CDH4: variants seen among roughly 807,000 people sequenced by gnomAD.
CDH4 encodes the protein cadherin-4.
In CDH4, 33 loss-of-function variants were observed where a neutral mutation model predicts 86.0. The observed-to-expected ratio is 0.38, with a 90% CI of 0.29 to 0.51. The LOEUF (loss-of-function observed/expected upper bound fraction) is 0.51, where lower values mean the gene tolerates loss of function less well. Among genes scored for constraint, CDH4 ranks in the 20% least tolerant of loss-of-function variants. The pLI, the probability that CDH4 is intolerant of heterozygous loss-of-function variation, is 0.86. For synonymous variants in CDH4, 555 were observed against 549.4 expected (o/e 1.01, Z -0.14); for missense variants, 1,114 against 1,307.4 (o/e 0.85, Z 2.28).
chr20:61,537,555 C>A (rs1480931072), intron 2 of CDH4, among the ~76,000 whole-genome samples: 2 of 152,214 alleles, frequency 1.3e-5, no homozygotes, highest in Admixed American at 6.5e-5. Context: ...AAAGAAGACA[C>A]AAACCTGGAA....
At chr20:61,658,363 C>G (rs933678422) in intron 2 of CDH4, among the ~76,000 whole-genome samples, 2 of 152,180 alleles carry the variant, frequency 1.3e-5, no homozygotes, top group African/African-American at 4.8e-5. Flanking sequence ...TTCCAGATCT[C>G]TCTATTAGAG....
rs563735388 is a variant in CDH4 at position 61,684,791 on chromosome 20, G to A, written c.170-58772G>A. Among the ~76,000 whole-genome samples, 12 of 152,248 alleles carry A rather than the reference G, an allele frequency of 7.9e-5. No individual in the cohort carries two copies. The highest frequency in any genetic ancestry group is 2.4e-4 in the African/African-American group (10 of 41,540). ...AATCTGCAGCCCACAGCCGCCTGCC[G>A]TGACCACCCCTCGATGTGGGTGAGG... On this transcript the variant is annotated intron_variant, in intron 2 of 15. Coordinates refer to ENST00000614565, the MANE Select transcript of CDH4 (RefSeq NM_001794.5). The surrounding 1 kb of genome is among the most constrained non-coding windows in gnomAD (Gnocchi z 4.5).
Position 61,519,440 on chromosome 20 carries a change from T to G in CDH4, c.170-224123T>G, listed in dbSNP as rs187674942. ...TGCCGGCGGGAGGTCCTCTGATCAT[T>G]CTGTGCAAAAGCCTTTTTGACCAAA... On this transcript the variant is annotated intron_variant, in intron 2 of 15. Transcript: ENST00000614565. 2.2e-4 allele frequency among the ~76,000 whole-genome samples: 34 copies of G among 152,330 alleles called. No homozygotes were observed. In the East Asian group the frequency reaches 6.0e-3, roughly 27 times the overall value.
rs1186963224 is a variant in CDH4, at chr20:61,829,563, G to A, written c.577-15105G>A. On this transcript the variant is annotated intron_variant, in intron 4 of 15. Coordinates refer to ENST00000614565, the MANE Select transcript of CDH4 (RefSeq NM_001794.5). This position sits in a 1 kb window ranked among gnomAD's most constrained non-coding sequence, Gnocchi z 4.2. ...CAGCAGCTCTGCTCGCCTTTCTGGA[G>A]GCCACGAGCCTGTTTTCCACGGCGG... Among the ~76,000 whole-genome samples the A allele has an allele frequency of 6.6e-6, 1 of 152,222 alleles. No homozygotes were observed. The highest frequency in any genetic ancestry group is 2.4e-5 in the African/African-American group (1 of 41,452).
chr20:61,336,832 C>T (rs1485103384), intron 2 of CDH4, among the ~76,000 whole-genome samples: 1 of 152,166 alleles, frequency 6.6e-6, no homozygotes, highest in Non-Finnish European at 1.5e-5. Context: ...AGACGTGTTC[C>T]TTCCTATCTC....
rs373983120 is a variant in CDH4, at chr20:61,896,316, G to A, written c.1188+1269G>A. 4.9e-4 allele frequency among the ~76,000 whole-genome samples: 74 copies of A among 152,322 alleles called. 1 individual carries two copies. The highest frequency in any genetic ancestry group is 1.4e-3 in the African/African-American group (60 of 41,582). ...AGACGCTCCTCCCGGTGGGTGGGCC[G>A]GCTTGCTGAGAAGGCAACTAAGGCC... On this transcript the variant is annotated intron_variant, in intron 8 of 15. Transcript: ENST00000614565.
At chr20:61,808,730 C>T (rs1258911574) in intron 4 of CDH4, among the ~76,000 whole-genome samples, 1 of 152,240 alleles carries the variant, frequency 6.6e-6, no homozygotes, top group African/African-American at 2.4e-5. Flanking sequence ...AACCCGCGTT[C>T]CTGCATATTG....
At chr20:61,833,333 C>T (rs1981713980) in intron 4 of CDH4, among the ~76,000 whole-genome samples, 1 of 152,140 alleles carries the variant, frequency 6.6e-6, no homozygotes, top group Non-Finnish European at 1.5e-5. Flanking sequence ...ATATTTATTG[C>T]CCCTTGTCCC....
chr20:61,879,271 A>G lies in CDH4; in HGVS notation c.1050+5371A>G, dbSNP rs946563172. Among the ~76,000 whole-genome samples the G allele has an allele frequency of 6.6e-5, 10 of 152,216 alleles. No homozygotes were observed. The highest frequency in any genetic ancestry group is 1.5e-5 in the Non-Finnish European group (1 of 68,044). On this transcript the variant is annotated intron_variant, in intron 7 of 15. Transcript: ENST00000614565. This position sits in a 1 kb window ranked among gnomAD's most constrained non-coding sequence, Gnocchi z 4.1. Reference sequence around the variant, plus strand: ...CTGGCTTGGCGTATCAGAGAAGAGCACACATCGGGACCATTTCTCCACCAG... The same window carrying G: ...CTGGCTTGGCGTATCAGAGAAGAGCGCACATCGGGACCATTTCTCCACCAG...
chr20:61,302,896 G>A (rs1252674081), intron 2 of CDH4, among the ~76,000 whole-genome samples: 1 of 152,168 alleles, frequency 6.6e-6, no homozygotes, highest in African/African-American at 2.4e-5. Context: ...AAGGTTGGGA[G>A]GAGAAAATGT....
chr20:61,419,258 G>A (rs1600960348), intron 2 of CDH4, among the ~76,000 whole-genome samples: 3 of 152,120 alleles, frequency 2.0e-5, no homozygotes, highest in Admixed American at 1.3e-4. Context: ...CTTTGCCCAG[G>A]GCGGTGCTTT....
intron 4 of CDH4, among the ~76,000 whole-genome samples, chr20:61,781,184 C>T (rs952280737): frequency 6.6e-6 from 1 of 152,058 alleles, no homozygotes; most frequent in Non-Finnish European, 1.5e-5. Context: ...ATAACAGAAC[C>T]AGGGTCTCTA....
intron 2 of CDH4, among the ~76,000 whole-genome samples, chr20:61,573,094 A>G (rs1157374776): frequency 6.6e-6 from 1 of 152,000 alleles, no homozygotes; most frequent in Non-Finnish European, 1.5e-5. Flanking sequence ...GGATGGTTGG[A>G]CGGATGGATG....
At position 61,276,886 on chromosome 20, in the gene CDH4, T is replaced by C. The variant is rs1343954132; in HGVS notation, c.169+21949T>C. 2.0e-5 allele frequency among the ~76,000 whole-genome samples: 3 copies of C among 152,188 alleles called. No individual in the cohort carries two copies. The East Asian group carries it at 5.8e-4, about 29-fold the overall frequency. On this transcript the variant is annotated intron_variant, in intron 2 of 15. Coordinates refer to ENST00000614565, the MANE Select transcript of CDH4 (RefSeq NM_001794.5). ...GTGGGTTCCTGGATATCAAAGTAGTTGTAGTCATCTTTGTCCCATTCAGCA... is the reference window on the plus strand; with the variant it reads ...GTGGGTTCCTGGATATCAAAGTAGTCGTAGTCATCTTTGTCCCATTCAGCA...
intron 4 of CDH4, among the ~76,000 whole-genome samples, chr20:61,794,935 T>A: frequency 6.6e-6 from 1 of 151,904 alleles, no homozygotes. Context: ...AGTGGTTCCC[T>A]CTGTCCTAAT....
At chr20:61,818,537 T>C (rs898074771) in intron 4 of CDH4, among the ~76,000 whole-genome samples, 7 of 151,860 alleles carry the variant, frequency 4.6e-5, no homozygotes, top group Non-Finnish European at 7.4e-5. Flanking sequence ...TAGCTGGACA[T>C]GGTGGTGGTG....
intron 2 of CDH4, among the ~76,000 whole-genome samples, chr20:61,558,012 G>C (rs1399012249): frequency 6.6e-6 from 1 of 152,196 alleles, no homozygotes; most frequent in Non-Finnish European, 1.5e-5. Flanking sequence ...GAAATTGCCA[G>C]TTGGAATGAG....
At chr20:61,877,270 G>A (rs1049636592) in intron 7 of CDH4, among the ~76,000 whole-genome samples, 3 of 152,034 alleles carry the variant, frequency 2.0e-5, no homozygotes, top group Non-Finnish European at 4.4e-5. Flanking sequence ...AGGCTGACCC[G>A]GCAGCTGGAC....
At chr20:61,848,675 G>A (rs766650635) in intron 5 of CDH4, among the ~76,000 whole-genome samples, 10 of 152,090 alleles carry the variant, frequency 6.6e-5, no homozygotes, top group Non-Finnish European at 1.2e-4. Flanking sequence ...ACAGGCACCC[G>A]CCACCACGCC....
Sources: gnomAD v4.1 joint callset for allele counts (sites outside exome capture counted in the v4.1 genomes callset) on GRCh38, gnomAD v4.1.1 for gene constraint, Gnocchi (gnomAD v3.1) non-coding constraint, MANE v1.5 for transcripts, NCBI Gene and HGNC (gene_info 2026-07-23, HGNC 2026-07-21) for gene names.